KLK7: variants seen among roughly 807,000 people sequenced by gnomAD.
The protein encoded by KLK7 is kallikrein related peptidase 7, also known as kallikrein-7.
KLK7 carries 17 observed loss-of-function variants against 21.0 expected under a neutral mutation model. That is an observed-to-expected ratio of 0.81 (90% confidence interval 0.55 to 1.21). The LOEUF is 1.21. Ranked by LOEUF, KLK7 falls within the 50% of genes most tolerant of loss-of-function variation. The pLI is 0.00. For missense variants in KLK7, 330 were observed against 322.8 expected (o/e 1.02, Z -0.17); for synonymous variants, 151 against 134.6 (o/e 1.12, Z -0.85).
chr19:50,980,597 G>C, intron 3 of KLK7, 110 bp from the exon 4 acceptor site: 1 of 1,279,616 alleles, frequency 7.8e-7, no homozygotes, highest in South Asian at 1.4e-5. Context: ...AGGGGGGACA[G>C]AGACACAGAG....
upstream of KLK7, chr19:50,983,983 T>G: frequency 8.0e-7 from 1 of 1,242,520 alleles, no homozygotes; most frequent in Non-Finnish European, 1.1e-6. Flanking sequence ...CGCCCTGGGG[T>G]GCAGGCGGAG....
In KLK7 at chr19:50,976,587, A is replaced by G. The variant is rs911637090; in HGVS notation, c.*949T>C. 2 of 152,200 alleles carry G rather than the reference A, an allele frequency of 1.3e-5. No individual in the cohort carries two copies. Among genetic ancestry groups the G allele is most frequent in the African/African-American group, 4.8e-5 (2 of 41,440 alleles). 9.4% of individuals were successfully genotyped at this position (152,200 alleles called of 1,614,324 possible). A position where few individuals can be genotyped will look rare whatever the true frequency, so the allele number is the denominator to read the frequency against. On this transcript the variant is annotated 3_prime_UTR_variant, in exon 6 of 6. Coordinates refer to ENST00000595820, the MANE Select transcript of KLK7 (RefSeq NM_005046.4). ...ACGACCCCAGTATGCAGTCTGGGAC[A>G]TGTGTTTTCAGATCTGATTCTGTGA...
In KLK7 at chr19:50,979,813, G is replaced by T; in HGVS notation, c.581C>A (p.Pro194His). Reference protein sequence around the residue: ...LENSMLCAGIPDSKKNACNGD... With the variant: ...LENSMLCAGIHDSKKNACNGD... ...ATTGCAGGCGTTTTTCTTGGAGTCGGGGATGCCAGCGCACAGCATGGAATT... is the reference window on the plus strand; with the variant it reads ...ATTGCAGGCGTTTTTCTTGGAGTCGTGGATGCCAGCGCACAGCATGGAATT... Residue 194 changes from proline to histidine, a missense_variant, in exon 5 of 6, where the codon CCC (proline) becomes CAC (histidine). By Grantham distance (77) the Pro-to-His change is moderately conservative. Transcript: ENST00000595820. 6.3e-7 allele frequency: 1 copy of T among 1,574,828 alleles called. No homozygotes were observed. Among genetic ancestry groups the T allele is most frequent in the African/African-American group, 1.3e-5 (1 of 74,332 alleles).
chr19:50,979,642 G>T (rs2091060955), intron 5 of KLK7, 146 bp downstream of exon 5: 1 of 737,376 alleles, frequency 1.4e-6, no homozygotes, highest in Non-Finnish European at 2.2e-6. Context: ...CCTAGGCAGA[G>T]AATGAGGTGG....
intron 5 of KLK7, among the ~76,000 whole-genome samples, chr19:50,979,485 G>A (rs1219320762): frequency 1.3e-5 from 2 of 152,172 alleles, no homozygotes; most frequent in Non-Finnish European, 2.9e-5. Flanking sequence ...CTCAATCACT[G>A]AGGTTTTTGG....
In KLK7 at chr19:50,982,396, C is replaced by T; in HGVS notation, c.4G>A (p.Ala2Thr). 2 of 1,607,376 alleles carry T rather than the reference C, an allele frequency of 1.2e-6. No homozygotes were observed. The highest frequency in any genetic ancestry group is 2.2e-5 in the South Asian group (2 of 89,560). Residue 2 changes from alanine (A) to threonine (T), a missense_variant, in exon 2 of 6, where the codon GCA (alanine) becomes ACA (threonine). Ala to Thr is a moderately conservative substitution (Grantham distance 58). Coordinates refer to ENST00000595820, the MANE Select transcript of KLK7 (RefSeq NM_005046.4). ...TGCAGGGGCAGGAGAAGGGATCTTG[C>T]CATGGTGCCCTGCTGAGCCGCTCAG... The part of the protein sequence containing the change: M[A>T]RSLLLPLQIL...
At chr19:50,981,119 CAG>C (rs2091079784) in intron 3 of KLK7, among the ~76,000 whole-genome samples, 1 of 128,856 alleles carries the variant, frequency 7.8e-6, no homozygotes, top group South Asian at 2.6e-4. Flanking sequence ...GGAGGGGGAA[CAG>C]AGACCAGAGA....
upstream of KLK7, chr19:50,984,056 A>T: frequency 7.3e-6 from 4 of 546,100 alleles, no homozygotes; most frequent in Non-Finnish European, 1.2e-5. Context: ...TGACGCAGCG[A>T]GAGCAATTGG....
intron 3 of KLK7, 52 bp downstream of exon 3, chr19:50,981,715 A>G (rs1401652193): frequency 3.4e-5 from 51 of 1,500,546 alleles, no homozygotes; most frequent in Non-Finnish European, 4.5e-5. Flanking sequence ...CCACCCCCAT[A>G]GCGAGCTGGA....
At position 50,976,528 on chromosome 19, in the gene KLK7, G is replaced by A. The variant is rs1229925726; in HGVS notation, c.*1008C>T. 2 of 152,112 alleles carry A rather than the reference G, an allele frequency of 1.3e-5. No individual in the cohort carries two copies. The highest frequency in any genetic ancestry group is 2.9e-5 in the Non-Finnish European group (2 of 68,028). The allele number at this position is 152,112 out of a possible 1,614,324, so 9.4% of individuals were successfully genotyped here. A position where few individuals can be genotyped will look rare whatever the true frequency, so the allele number is the denominator to read the frequency against. The stretch of plus-strand genomic sequence containing the variant: ...TCATGTTATAAAAGTGCACATTCAA[G>A]GAAAAGTACACAGAAGGAAGGAGAC... On this transcript the variant is annotated 3_prime_UTR_variant, in exon 6 of 6. Transcript: ENST00000595820.
At chr19:50,983,953 C>T (rs760621631), upstream of KLK7, 539 of 1,284,384 alleles carry the variant, frequency 4.2e-4, no homozygotes, top group South Asian at 5.3e-4. Context: ...TATCACCCCC[C>T]GCCCCATGCC....
chr19:50,979,122 AG>A (rs2091057618), intron 5 of KLK7, among the ~76,000 whole-genome samples: 1 of 152,142 alleles, frequency 6.6e-6, no homozygotes, highest in South Asian at 2.1e-4. Context: ...GGCCAGAAAG[AG>A]GGAACAGAGA....
chr19:50,982,506 G>A (rs2091097615), intron 1 of KLK7, 49 bp from the exon 2 acceptor site: 2 of 1,471,064 alleles, frequency 1.4e-6, no homozygotes, highest in South Asian at 2.6e-5. Flanking sequence ...CTCAGACCCA[G>A]GGGTCCAGGC....
chr19:50,978,086 A>T (rs1231906115), intron 5 of KLK7, among the ~76,000 whole-genome samples: 2 of 152,236 alleles, frequency 1.3e-5, no homozygotes, highest in Non-Finnish European at 2.9e-5. Flanking sequence ...GACCAGTTAC[A>T]TAATTTACAG....
chr19:50,981,233 GGGGACAGAGACCCAGAGAGAGA>G (rs2091081954), intron 3 of KLK7, among the ~76,000 whole-genome samples: 1 of 145,266 alleles, frequency 6.9e-6, no homozygotes, highest in Non-Finnish European at 1.5e-5. Context: ...AGAGAGAGAG[GGGGACAGAGACCCAGAGAGAGA>G]GGGACAGAGA....
intron 5 of KLK7, among the ~76,000 whole-genome samples, chr19:50,978,895 G>T (rs553650577): frequency 2.5e-5 from 3 of 122,216 alleles, no homozygotes; most frequent in African/African-American, 7.7e-5. Flanking sequence ...GAGAGAGCAG[G>T]GGGGCAGGGA....
intron 4 of KLK7, 72 bp downstream of exon 4, chr19:50,980,168 T>TG (rs538991328): frequency 8.9e-6 from 13 of 1,468,818 alleles, no homozygotes; most frequent in Admixed American, 2.0e-5. Context: ...GAGGAGGGGC[T>TG]GGGGGCCTGG....
chr19:50,980,617 G>T, intron 3 of KLK7, 130 bp from the exon 4 acceptor site: 1 of 1,050,596 alleles, frequency 9.5e-7, no homozygotes, highest in Non-Finnish European at 1.4e-6. Flanking sequence ...GAGAGGAGGG[G>T]AGACAGAGAC....
rs763708869 is a variant in KLK7, at chr19:50,979,955, C to G, written c.470-31G>C. On this transcript the variant is annotated intron_variant, in intron 4 of 5. Coordinates refer to ENST00000595820, the MANE Select transcript of KLK7 (RefSeq NM_005046.4). ...GGGAGGAGCAGGGAGAGCTGTCAGTCAGAGAGGATGGGGGCGAGGACCAGA... is the reference window on the plus strand; with the variant it reads ...GGGAGGAGCAGGGAGAGCTGTCAGTGAGAGAGGATGGGGGCGAGGACCAGA... 3.2e-6 allele frequency: 5 copies of G among 1,581,692 alleles called. No homozygotes were observed. The South Asian group carries it at 5.8e-5, about 18-fold the overall frequency.
Sources: gnomAD v4.1 joint callset for allele counts (sites outside exome capture counted in the v4.1 genomes callset) on GRCh38, gnomAD v4.1.1 for gene constraint, MANE v1.5 for transcripts, NCBI Gene and HGNC (gene_info 2026-07-23, HGNC 2026-07-21) for gene names.